Variants in SLIT2 observed in about 807,000 individuals in gnomAD.
SLIT2 encodes the protein slit guidance ligand 2, also known as slit homolog 2 protein.
SLIT2 carries 41 observed loss-of-function variants against 185.7 expected under a neutral mutation model. That is an observed-to-expected ratio of 0.22 (90% CI 0.17 to 0.29). The LOEUF is 0.29. Ranked by LOEUF, SLIT2 falls within the 10% of genes least tolerant of loss-of-function variation. SLIT2 has a pLI of 1.00. For missense variants in SLIT2, 1,571 were observed against 1,909.0 expected (o/e 0.82, Z 3.30); for synonymous variants, 693 against 680.2 (o/e 1.02, Z -0.29).
At chr4:20,561,594 G>A (rs1724696585) in intron 26 of SLIT2, among the ~76,000 whole-genome samples, 1 of 151,574 alleles carries the variant, frequency 6.6e-6, no homozygotes, top group Non-Finnish European at 1.5e-5. Context: ...GCATTATTTA[G>A]AATAATAATT....
intron 16 of SLIT2, 118 bp from the exon 17 acceptor site, chr4:20,531,863 TGTA>T (rs1337680120): frequency 1.7e-6 from 1 of 599,078 alleles, no homozygotes; most frequent in African/African-American, 2.0e-5. Context: ...CTGTGATTTA[TGTA>T]TTTCCTTTTA....
chr4:20,428,133 C>G (rs1272483083), intron 4 of SLIT2, among the ~76,000 whole-genome samples: 1 of 152,208 alleles, frequency 6.6e-6, no homozygotes, highest in East Asian at 1.9e-4. Context: ...TGTTTGATCT[C>G]CGTACTTACA....
chr4:20,372,023 T>A (rs1723622612), intron 4 of SLIT2, among the ~76,000 whole-genome samples: 1 of 152,146 alleles, frequency 6.6e-6, no homozygotes, highest in Non-Finnish European at 1.5e-5. Context: ...CCAGCACTAT[T>A]TTCATCATTC....
chr4:20,408,496 C>T (rs938346393), intron 4 of SLIT2, among the ~76,000 whole-genome samples: 1 of 152,078 alleles, frequency 6.6e-6, no homozygotes, highest in Non-Finnish European at 1.5e-5. Context: ...CCAAAGCCAT[C>T]CCTGATCCCC....
At chr4:20,461,459 A>T (rs1214414840) in intron 4 of SLIT2, among the ~76,000 whole-genome samples, 1 of 152,196 alleles carries the variant, frequency 6.6e-6, no homozygotes, top group African/African-American at 2.4e-5. Flanking sequence ...GTAAACCTTT[A>T]TGACACTTTG....
At chr4:20,593,137 A>G (rs1038478172) in intron 30 of SLIT2, among the ~76,000 whole-genome samples, 1 of 152,108 alleles carries the variant, frequency 6.6e-6, no homozygotes, top group African/African-American at 2.4e-5. Context: ...TAAACCATAA[A>G]AGCTTTTATA....
chr4:20,595,873 A>G (rs754860836), intron 31 of SLIT2, 39 bp downstream of exon 31: 21 of 1,549,422 alleles, frequency 1.4e-5, no homozygotes, highest in Non-Finnish European at 1.9e-5. Flanking sequence ...GTTCAATAAG[A>G]CCTAGCACAA....
At chr4:20,518,504 G>A (rs1720468782) in intron 11 of SLIT2, among the ~76,000 whole-genome samples, 3 of 116,130 alleles carry the variant, frequency 2.6e-5, no homozygotes, top group Admixed American at 2.0e-4. Context: ...CGCCGGCCTC[G>A]GCCTCCCAAA....
intron 3 of SLIT2, among the ~76,000 whole-genome samples, chr4:20,263,088 T>C (rs181086401): frequency 4.7e-4 from 71 of 151,890 alleles, no homozygotes; most frequent in African/African-American, 1.7e-3. Flanking sequence ...GCAGCCAGTG[T>C]CAAATATTTT....
intron 21 of SLIT2, among the ~76,000 whole-genome samples, chr4:20,544,222 A>G (rs1013637816): frequency 1.3e-5 from 2 of 152,192 alleles, no homozygotes; most frequent in African/African-American, 4.8e-5. Flanking sequence ...AAATAAAAAA[A>G]GAATATTCTG....
chr4:20,382,459 A>T (rs1724603388), intron 4 of SLIT2, among the ~76,000 whole-genome samples: 1 of 152,168 alleles, frequency 6.6e-6, no homozygotes, highest in Non-Finnish European at 1.5e-5. Context: ...TCAGACCTAC[A>T]AATCGGTTTA....
chr4:20,536,211 G>A (rs1483240838), intron 18 of SLIT2, among the ~76,000 whole-genome samples: 1 of 152,146 alleles, frequency 6.6e-6, no homozygotes, highest in East Asian at 1.9e-4. Flanking sequence ...AGTGAGTGGT[G>A]AGTGAACGTG....
chr4:20,573,190 CA>C, intron 29 of SLIT2: 1 of 702,834 alleles, frequency 1.4e-6, no homozygotes, highest in South Asian at 1.5e-5. Flanking sequence ...TGTTGTATTG[CA>C]ATGTAAAAAG....
At chr4:20,320,385 A>G (rs1718972834) in intron 4 of SLIT2, among the ~76,000 whole-genome samples, 1 of 151,896 alleles carries the variant, frequency 6.6e-6, no homozygotes, top group African/African-American at 2.4e-5. Context: ...GACTCTCTGG[A>G]CTCCCATTTA....
intron 3 of SLIT2, among the ~76,000 whole-genome samples, chr4:20,258,956 T>C (rs1171761483): frequency 1.3e-5 from 2 of 151,756 alleles, no homozygotes; most frequent in African/African-American, 4.8e-5. Flanking sequence ...CCTGTAATTG[T>C]CCATAAGTAG....
intron 9 of SLIT2, among the ~76,000 whole-genome samples, chr4:20,507,441 G>A (rs78418866): frequency 6.6e-6 from 1 of 151,904 alleles, no homozygotes; most frequent in South Asian, 2.1e-4. Context: ...GGTCACATTT[G>A]TGAGTTAAGG....
At chr4:20,389,298 G>C (rs1047493476) in intron 4 of SLIT2, among the ~76,000 whole-genome samples, 3 of 151,930 alleles carry the variant, frequency 2.0e-5, no homozygotes, top group African/African-American at 7.2e-5. Flanking sequence ...TTATAAAAAT[G>C]CAACAGAAAC....
chr4:20,407,431 A>C (rs766366488), intron 4 of SLIT2, among the ~76,000 whole-genome samples: 3 of 152,308 alleles, frequency 2.0e-5, no homozygotes, highest in Non-Finnish European at 4.4e-5. Flanking sequence ...TAGACTAACA[A>C]ATGTTCTAGA....
At chr4:20,431,400 T>C (rs1728963990) in intron 4 of SLIT2, among the ~76,000 whole-genome samples, 1 of 151,802 alleles carries the variant, frequency 6.6e-6, no homozygotes, top group Non-Finnish European at 1.5e-5. Flanking sequence ...ATTTTTATTT[T>C]TATTTTTTTT....
Sources: allele counts gnomAD v4.1 joint callset (sites outside exome capture counted in the v4.1 genomes callset), GRCh38; gene constraint gnomAD v4.1.1; transcripts MANE v1.5; gene names NCBI Gene and HGNC (gene_info 2026-07-23, HGNC 2026-07-21).